The following LINGO1 variants were observed in gnomAD, a reference collection of about 807,000 sequenced individuals.
LINGO1 encodes leucine rich repeat and Ig domain containing 1, also known as leucine-rich repeat and immunoglobulin-like domain-containing nogo receptor-interacting protein 1.
In LINGO1, 11 loss-of-function variants were observed where a neutral mutation model predicts 37.3. The observed-to-expected ratio is 0.29, with a 90% CI of 0.19 to 0.49. LINGO1 has a LOEUF of 0.49. Among genes scored for constraint, LINGO1 ranks in the 20% least tolerant of loss-of-function variants. LINGO1 has a pLI of 0.99. For synonymous variants in LINGO1, 387 were observed against 403.0 expected (o/e 0.96, Z 0.48); for missense variants, 585 against 878.2 (o/e 0.67, Z 4.22).
At chr15:77,739,473 C>T (rs958085817) in intron 1 of LINGO1, among the ~76,000 whole-genome samples, 1 of 152,208 alleles carries the variant, frequency 6.6e-6, no homozygotes, top group Admixed American at 6.5e-5. Flanking sequence ...CTTCTGTGCC[C>T]CTCTGCAGCT....
chr15:77,782,621 G>A (rs1010846529), intron 1 of LINGO1, among the ~76,000 whole-genome samples: 1 of 152,094 alleles, frequency 6.6e-6, no homozygotes, highest in African/African-American at 2.4e-5. Flanking sequence ...CTCAGAAAAC[G>A]GTGCCACTTG....
rs925053721 is a variant in LINGO1, at chr15:77,719,547, C to T, written c.-195+15445G>A. ...ACGGGGGCAGCCACCACGCAGCACT[C>T]GGCTCCTGCCGGCATATGCTTGCTG... On this transcript the variant is annotated intron_variant, in intron 2 of 3. Coordinates refer to the LINGO1 transcript ENST00000561686. Among the ~76,000 whole-genome samples the T allele has an allele frequency of 1.1e-4, 16 of 149,492 alleles. 1 individual carries two copies. Among genetic ancestry groups the T allele is most frequent in the Admixed American group, 4.7e-4 (7 of 14,842 alleles).
upstream of LINGO1, chr15:77,788,107 C>T (rs1266457210): frequency 1.3e-5 from 2 of 152,278 alleles, no homozygotes; most frequent in African/African-American, 4.8e-5. Flanking sequence ...TCCTTACCAC[C>T]CCAACCCACA....
intron 3 of LINGO1, among the ~76,000 whole-genome samples, chr15:77,676,059 A>AG (rs2075322203): frequency 6.6e-6 from 1 of 152,226 alleles, no homozygotes; most frequent in Non-Finnish European, 1.5e-5. Flanking sequence ...AGAGAGCCAG[A>AG]GGGGGGAAGA....
chr15:77,758,757 G>A (rs931596864), intron 1 of LINGO1, among the ~76,000 whole-genome samples: 1 of 152,020 alleles, frequency 6.6e-6, no homozygotes, highest in African/African-American at 2.4e-5. Context: ...GTTTTGGGGG[G>A]ATCAGATGGG....
At chr15:77,714,640 G>A (rs992262456) in intron 2 of LINGO1, among the ~76,000 whole-genome samples, 7 of 152,230 alleles carry the variant, frequency 4.6e-5, no homozygotes, top group South Asian at 2.1e-4. Flanking sequence ...CATGAGAAGC[G>A]TGCACAGCCA....
intron 1 of LINGO1, among the ~76,000 whole-genome samples, chr15:77,750,940 C>T (rs2076364846): frequency 6.6e-6 from 1 of 152,228 alleles, no homozygotes; most frequent in Admixed American, 6.5e-5. Context: ...GAGGCAGGGC[C>T]AGTCCAGTGG....
intron 1 of LINGO1, among the ~76,000 whole-genome samples, chr15:77,804,043 G>A (rs1334905722): frequency 6.6e-6 from 1 of 152,108 alleles, no homozygotes; most frequent in Non-Finnish European, 1.5e-5. Context: ...AGCACAACAG[G>A]TGACATTAAT....
chr15:77,623,129 C>A (rs1279569320), intron 1 of LINGO1, among the ~76,000 whole-genome samples: 1 of 152,250 alleles, frequency 6.6e-6, no homozygotes. Flanking sequence ...GACTCGCACT[C>A]TGCTCTCCAA....
Position 77,615,183 on chromosome 15 carries a change from T to C in LINGO1, c.724A>G (p.Lys242Glu). 3 of 1,613,720 alleles carry C rather than the reference T, an allele frequency of 1.9e-6. No homozygotes were observed. The highest frequency in any genetic ancestry group is 2.5e-6 in the Non-Finnish European group (3 of 1,179,800). ...DYSFKRLYRLKVLEISHWPYL... is the reference protein window; with the variant it reads ...DYSFKRLYRLEVLEISHWPYL... ...GGCCAGTGGGAGATCTCCAAGACCT[T>C]GAGTCGGTACAGCCTCTTGAAGGAG... Residue 242 changes from lysine (K) to glutamate (E), a missense_variant, in exon 2 of 2, where the codon AAG becomes GAG. By Grantham distance (56) the Lys-to-Glu change is moderately conservative. This residue lies in a region of LINGO1 where 484 missense variants were observed against 735.0 expected (regional missense o/e 0.66). Transcript: ENST00000355300.
chr15:77,621,816 G>C (rs2073931544), intron 1 of LINGO1, among the ~76,000 whole-genome samples: 1 of 152,250 alleles, frequency 6.6e-6, no homozygotes, highest in African/African-American at 2.4e-5. Context: ...GCTGGCTGAA[G>C]CACAGGATGG....
chr15:77,790,019 G>A (rs2076806014), upstream of LINGO1, among the ~76,000 whole-genome samples: 1 of 152,042 alleles, frequency 6.6e-6, no homozygotes, highest in South Asian at 2.1e-4. Flanking sequence ...CGATCCTCCT[G>A]TCTCAACCTC....
chr15:77,800,783 A>G (rs2076911882), intron 1 of LINGO1, among the ~76,000 whole-genome samples: 1 of 152,226 alleles, frequency 6.6e-6, no homozygotes, highest in Non-Finnish European at 1.5e-5. Context: ...CAAATGAGAC[A>G]ATGGAAGAAA....
rs3144 is a variant in LINGO1, at chr15:77,613,862, T to A, written c.*182A>T. ...CCCCAGGTCTGGGCTTCTGAGGTCC[T>A]GGTAGAAGGAGGGCAGGTGGTGAGG... On this transcript the variant is annotated 3_prime_UTR_variant, in exon 2 of 2. Coordinates refer to ENST00000355300, the MANE Select transcript of LINGO1 (RefSeq NM_032808.7). The A allele has an allele frequency of 1.6e-6, 1 of 613,962 alleles. No individual in the cohort carries two copies. The highest frequency in any genetic ancestry group is 3.0e-5 in the Admixed American group (1 of 33,314). 38.0% of individuals were successfully genotyped at this position (613,962 alleles called of 1,614,324 possible). A position where few individuals can be genotyped will look rare whatever the true frequency, so the allele number is the denominator to read the frequency against.
rs189223816 is a variant in LINGO1 at position 77,650,684 on chromosome 15, G to A, written c.-13+26405C>T. ...AGGGGCTAGGCCAGGGTAGGACTGC[G>A]GGCTGCATCCAAAGTTGGAGAATCT... is the stretch of plus-strand genomic sequence containing the variant. On this transcript the variant is annotated intron_variant, in intron 3 of 3. Transcript: ENST00000559893. 8.8e-4 allele frequency among the ~76,000 whole-genome samples: 134 copies of A among 152,306 alleles called. 1 individual carries two copies. The highest frequency in any genetic ancestry group is 2.9e-3 in the African/African-American group (120 of 41,574).
chr15:77,634,346 T>G (rs1401359629), upstream of LINGO1: 2 of 456,120 alleles, frequency 4.4e-6, no homozygotes, highest in Admixed American at 4.7e-5. Context: ...TGGACAGTCC[T>G]GTCTGGAGCA....
intron 1 of LINGO1, among the ~76,000 whole-genome samples, chr15:77,802,666 G>A (rs2076929286): frequency 6.6e-6 from 1 of 152,116 alleles, no homozygotes; most frequent in African/African-American, 2.4e-5. Flanking sequence ...CCAGGAAGCA[G>A]GGACTGCGGG....
At chr15:77,722,956 C>A (rs1176183038) in intron 2 of LINGO1, among the ~76,000 whole-genome samples, 11 of 152,298 alleles carry the variant, frequency 7.2e-5, no homozygotes, top group African/African-American at 2.2e-4. Flanking sequence ...GCCTTCACAG[C>A]GCCCCTGGAG....
At chr15:77,732,571 G>A (rs1410347310) in intron 2 of LINGO1, among the ~76,000 whole-genome samples, 1 of 152,234 alleles carries the variant, frequency 6.6e-6, no homozygotes, top group Non-Finnish European at 1.5e-5. Context: ...CTGCTGGGCA[G>A]TGCCAGGTGG....
Sources: allele counts gnomAD v4.1 joint callset (sites outside exome capture counted in the v4.1 genomes callset), GRCh38; gene constraint gnomAD v4.1.1; regional missense constraint gnomAD v4.1.1; transcripts MANE v1.5; gene names NCBI Gene and HGNC (gene_info 2026-07-23, HGNC 2026-07-21).